The following ZC3H11A variants were observed in gnomAD, a reference collection of about 807,000 sequenced individuals.
The protein encoded by ZC3H11A is zinc finger CCCH domain-containing protein 11A.
A neutral mutation model predicts 90.8 loss-of-function variants in ZC3H11A; 22 were observed. That is an observed-to-expected ratio of 0.24 (90% CI 0.17 to 0.35). The LOEUF (loss-of-function observed/expected upper bound fraction) is 0.35, where lower values mean the gene tolerates loss of function less well. ZC3H11A is among the 10% of genes least tolerant of loss of function. The pLI is 1.00. For missense variants in ZC3H11A, 701 were observed against 964.9 expected, an observed-to-expected ratio of 0.73 and a Z score of 3.62; for synonymous variants, 294 against 339.8, an observed-to-expected ratio of 0.87 and a Z score of 1.48.
chr1:203,807,862 G>A (rs74954151), intron 2 of ZC3H11A, among the ~76,000 whole-genome samples: 7,275 of 151,886 alleles, frequency 0.048, 617 homozygotes, highest in East Asian at 0.4. Context: ...CTGCCTCAGC[G>A]TCCCAAGTAG....
intron 12 of ZC3H11A, among the ~76,000 whole-genome samples, chr1:203,842,275 C>T (rs1246702672): frequency 6.6e-6 from 1 of 152,154 alleles, no homozygotes; most frequent in Non-Finnish European, 1.5e-5. Context: ...TGTAGCAAGC[C>T]GAGATCACGC....
chr1:203,797,757 T>C (rs1049281314), intron 1 of ZC3H11A: 3 of 1,535,594 alleles, frequency 2.0e-6, no homozygotes, highest in South Asian at 1.2e-5. Context: ...TCGAAAAAAA[T>C]TGATTCTTGC....
intron 1 of ZC3H11A, chr1:203,798,510 A>G (rs1465774274): frequency 6.5e-7 from 1 of 1,536,146 alleles, no homozygotes; most frequent in South Asian, 1.2e-5. Context: ...TGCTGTTGCA[A>G]ATGGATTAGA....
chr1:203,806,365 A>T (rs1672345718), intron 2 of ZC3H11A: 1 of 202,688 alleles, frequency 4.9e-6, no homozygotes, highest in African/African-American at 2.4e-5. Flanking sequence ...CAAGTGGCAT[A>T]ATCTTGGCTC....
rs1168436828 is a variant in ZC3H11A at position 203,838,216 on chromosome 1, G to A, written c.973+152G>A. The A allele has an allele frequency of 1.0e-5, 8 of 788,454 alleles. No homozygotes were observed. The East Asian group carries it at 2.2e-4, about 21-fold the overall frequency. The allele number at this position is 788,454 out of a possible 1,614,324, so 48.8% of individuals were successfully genotyped here. A position where few individuals can be genotyped will look rare whatever the true frequency, so the allele number is the denominator to read the frequency against. On this transcript the variant is annotated intron_variant, in intron 11 of 17. Transcript: ENST00000367210. ...TCACTCAACAAACATTTGATCCTTA[G>A]TCTGCTAGATTCTGGGTAGACACCA...
chr1:203,800,635 G>T, intron 1 of ZC3H11A: 2 of 564,470 alleles, frequency 3.5e-6, no homozygotes, highest in Non-Finnish European at 5.7e-6. Context: ...GAAGATTAAA[G>T]ATTTCATAGC....
chr1:203,847,462 A>C lies in ZC3H11A; in HGVS notation c.1321A>C (p.Lys441Gln). ...CAAGCTAAAGATTGATAGTGAAATT[A>C]AAAAAACAGTAGTTTTGCCACCCAT... ...CIKLKIDSEIKKTVVLPPIVA... is the reference protein window; with the variant it reads ...CIKLKIDSEIQKTVVLPPIVA... Residue 441 changes from lysine (K) to glutamine (Q), a missense_variant, in exon 13 of 18, where the codon AAA (lysine) becomes CAA (glutamine). Transcript: ENST00000367210. 6.2e-7 allele frequency: 1 copy of C among 1,613,976 alleles called. No homozygotes were observed. The highest frequency in any genetic ancestry group is 1.7e-5 in the Admixed American group (1 of 60,016).
chr1:203,808,011 G>GCCTCT (rs1672969801), intron 2 of ZC3H11A, among the ~76,000 whole-genome samples: 1 of 152,042 alleles, frequency 6.6e-6, no homozygotes, highest in African/African-American at 2.4e-5. Flanking sequence ...CAAAGTGCTG[G>GCCTCT]CATTACGGAT....
chr1:203,800,459 T>G lies in ZC3H11A; in HGVS notation c.-1587-1116T>G, dbSNP rs966497473. 17 of 1,479,306 alleles carry G rather than the reference T, an allele frequency of 1.1e-5. No homozygotes were observed. The Admixed American group carries it at 2.7e-4, about 23-fold the overall frequency. 91.6% of individuals were successfully genotyped at this position (1,479,306 alleles called of 1,614,324 possible). Reference sequence around the variant, plus strand: ...AAAGCAGTGAAAAAGAAATACTGCCTTAATTTCTTTTTCTCCATTTAAAAT... The same window carrying G: ...AAAGCAGTGAAAAAGAAATACTGCCGTAATTTCTTTTTCTCCATTTAAAAT... On this transcript the variant is annotated intron_variant, in intron 1 of 17. Coordinates refer to ENST00000367210, the MANE Select transcript of ZC3H11A (RefSeq NM_001376342.1).
chr1:203,835,961 A>G lies in ZC3H11A; in HGVS notation c.875-2005A>G, dbSNP rs535393430. 186 of 173,548 alleles carry G rather than the reference A, an allele frequency of 1.1e-3. 1 individual carries two copies. The East Asian group carries it at 0.013, about 12-fold the overall frequency. 10.8% of individuals were successfully genotyped at this position (173,548 alleles called of 1,614,324 possible). Reference sequence around the variant, plus strand: ...CCAGGAGGCCTCCACAGGATCCAAGATGGTGGGGAGAGCTAAGAGCAGTAT... The same window carrying G: ...CCAGGAGGCCTCCACAGGATCCAAGGTGGTGGGGAGAGCTAAGAGCAGTAT... On this transcript the variant is annotated intron_variant, in intron 10 of 17. Coordinates refer to ENST00000367210, the MANE Select transcript of ZC3H11A (RefSeq NM_001376342.1).
intron 11 of ZC3H11A, among the ~76,000 whole-genome samples, chr1:203,839,907 G>A (rs1230421808): frequency 6.6e-6 from 1 of 151,876 alleles, no homozygotes; most frequent in African/African-American, 2.4e-5. Flanking sequence ...GGGTTCAAAC[G>A]ATTCTCCTGT....
chr1:203,838,683 G>C (rs1685119556), intron 11 of ZC3H11A, among the ~76,000 whole-genome samples: 1 of 152,172 alleles, frequency 6.6e-6, no homozygotes, highest in Admixed American at 6.5e-5. Flanking sequence ...GGGCACGGTA[G>C]GTCATGCCTG....
chr1:203,813,837 T>G (rs1315465879), intron 2 of ZC3H11A, among the ~76,000 whole-genome samples: 1 of 152,104 alleles, frequency 6.6e-6, no homozygotes, highest in Non-Finnish European at 1.5e-5. Context: ...ACATTCCCTC[T>G]GTACATGTCT....
chr1:203,827,005 C>T (rs1680740944), intron 4 of ZC3H11A, among the ~76,000 whole-genome samples: 1 of 152,190 alleles, frequency 6.6e-6, no homozygotes, highest in African/African-American at 2.4e-5. Flanking sequence ...ATCCCAACTA[C>T]TCTACCATGG....
intron 9 of ZC3H11A, among the ~76,000 whole-genome samples, chr1:203,833,487 C>T (rs1281907155): frequency 6.6e-6 from 1 of 151,558 alleles, no homozygotes; most frequent in Non-Finnish European, 1.5e-5. Flanking sequence ...GCCAAGATGG[C>T]ACCACTGCAC....
Position 203,851,082 on chromosome 1 carries a change from A to T in ZC3H11A, c.2132A>T (p.Asp711Val), listed in dbSNP as rs1572384216. 1.9e-6 allele frequency: 3 copies of T among 1,614,190 alleles called. No individual in the cohort carries two copies. The highest frequency in any genetic ancestry group is 2.5e-6 in the Non-Finnish European group (3 of 1,180,020). ...AVAVVPLVSEDKSVTVPEAEN... is the reference protein window; with the variant it reads ...AVAVVPLVSEVKSVTVPEAEN... ...GCTGTTGTCCCGCTTGTCTCTGAGGACAAATCAGTCACTGTGCCTGAAGCA... is the reference window on the plus strand; with the variant it reads ...GCTGTTGTCCCGCTTGTCTCTGAGGTCAAATCAGTCACTGTGCCTGAAGCA... The change falls in exon 17 of 18, where the codon GAC becomes GTC. Residue 711 changes from aspartate to valine, a missense_variant. Asp to Val is a radical substitution (Grantham distance 152). Around this residue, in one of 4 missense-constraint regions of ZC3H11A, gnomAD observed 91 missense variants for 86.8 expected, o/e 1.05. Transcript: ENST00000367210.
intron 8 of ZC3H11A, among the ~76,000 whole-genome samples, chr1:203,831,142 C>T (rs1320647961): frequency 1.3e-5 from 2 of 151,728 alleles, no homozygotes; most frequent in Non-Finnish European, 2.9e-5. Flanking sequence ...CAGGGTTTCT[C>T]CATGTTGGTT....
intron 4 of ZC3H11A, among the ~76,000 whole-genome samples, chr1:203,819,529 A>ATTTTTTTTCTT (rs1677715129): frequency 1.4e-5 from 1 of 72,890 alleles, no homozygotes; most frequent in African/African-American, 5.8e-5. Flanking sequence ...GCTGACTCCA[A>ATTTTTTTTCTT]TTTTTTTTTT....
chr1:203,835,186 A>T (rs934050735), intron 10 of ZC3H11A, among the ~76,000 whole-genome samples: 3 of 152,220 alleles, frequency 2.0e-5, no homozygotes, highest in Non-Finnish European at 4.4e-5. Flanking sequence ...ACTTTCAGCG[A>T]TGAGATAATG....
Sources: gnomAD v4.1 joint callset for allele counts (sites outside exome capture counted in the v4.1 genomes callset) on GRCh38, gnomAD v4.1.1 for gene constraint, gnomAD v4.1.1 regional missense constraint, MANE v1.5 for transcripts, NCBI Gene and HGNC (gene_info 2026-07-23, HGNC 2026-07-21) for gene names.